PPHLN1: variants seen among roughly 807,000 people sequenced by gnomAD.
PPHLN1 encodes periphilin-1.
A neutral mutation model predicts 51.3 loss-of-function variants in PPHLN1; 29 were observed. The ratio of observed to expected loss-of-function variants is 0.57; its 90% CI spans 0.42 to 0.77. PPHLN1 has a LOEUF of 0.77. Among genes scored for constraint, PPHLN1 ranks in the 30% least tolerant of loss-of-function variants. The pLI is 0.00. For missense variants in PPHLN1, 436 were observed against 438.4 expected (o/e 0.99, Z 0.05); for synonymous variants, 147 against 147.8 (o/e 0.99, Z 0.04).
chr12:42,400,934 G>A (rs1292832327), intron 9 of PPHLN1, among the ~76,000 whole-genome samples: 2 of 151,952 alleles, frequency 1.3e-5, no homozygotes, highest in African/African-American at 4.8e-5. Flanking sequence ...TGTGAACCAT[G>A]TTTTCAAATA....
At chr12:42,389,160 C>G (rs528288680) in intron 7 of PPHLN1, among the ~76,000 whole-genome samples, 50 of 151,718 alleles carry the variant, frequency 3.3e-4, no homozygotes, top group Non-Finnish European at 6.6e-4. Flanking sequence ...ATCATGAGGT[C>G]AAGAGATCGA....
At chr12:42,406,452 T>C (rs2079317016) in intron 9 of PPHLN1, among the ~76,000 whole-genome samples, 1 of 152,208 alleles carries the variant, frequency 6.6e-6, no homozygotes, top group Non-Finnish European at 1.5e-5. Flanking sequence ...TTGTTCAAAA[T>C]TGTGTTTATG....
At chr12:42,426,707 C>T (rs138444546) in intron 9 of PPHLN1, among the ~76,000 whole-genome samples, 2 of 152,228 alleles carry the variant, frequency 1.3e-5, no homozygotes, top group East Asian at 3.9e-4. Context: ...GACATGGAGA[C>T]CTTTGCTAGG....
At chr12:42,351,757 A>G (rs2073390203) in intron 2 of PPHLN1, 128 bp from the exon 3 acceptor site, 1 of 630,458 alleles carries the variant, frequency 1.6e-6, no homozygotes, top group Non-Finnish European at 2.4e-6. Context: ...ATGTTATTTC[A>G]TTAACGCTTT....
At chr12:42,353,694 A>G (rs1351924456) in intron 3 of PPHLN1, among the ~76,000 whole-genome samples, 1 of 152,036 alleles carries the variant, frequency 6.6e-6, no homozygotes, top group Non-Finnish European at 1.5e-5. Context: ...GGTTACATGG[A>G]TGAGTTGAAT....
chr12:42,348,595 G>A (rs2072731970), intron 2 of PPHLN1, among the ~76,000 whole-genome samples: 1 of 152,088 alleles, frequency 6.6e-6, no homozygotes, highest in Non-Finnish European at 1.5e-5. Flanking sequence ...GGAACAGAGT[G>A]CTTTGTAAAA....
Position 42,418,211 on chromosome 12 carries a change from C to CTTTTTTTTTTT in PPHLN1, c.909+19233_909+19243dup, listed in dbSNP as rs60029170. Among the ~76,000 whole-genome samples, 27 of 98,356 alleles carry CTTTTTTTTTTT rather than the reference C, an allele frequency of 2.7e-4. 1 individual carries two copies. The highest frequency in any genetic ancestry group is 1.1e-3 in the African/African-American group (27 of 23,784). 64.5% of individuals were successfully genotyped at this position (98,356 alleles called of 152,430 possible). A position where few individuals can be genotyped will look rare whatever the true frequency, so the allele number is the denominator to read the frequency against. ...CGCCTCGACCACTGCTCCCGGCCCT[C>CTTTTTTTTTTT]TTTTTTTTTTTTTTTTTTTTTTTTT... On this transcript the variant is annotated intron_variant, in intron 9 of 9. Transcript: ENST00000358314.
chr12:42,443,654 A>G (rs978058227), downstream of PPHLN1: 1 of 152,220 alleles, frequency 6.6e-6, no homozygotes, highest in African/African-American at 2.4e-5. Flanking sequence ...AGAACCATCA[A>G]ACAGCCCTTG....
intron 4 of PPHLN1, among the ~76,000 whole-genome samples, chr12:42,369,992 A>G (rs138186854): frequency 4.6e-5 from 7 of 152,234 alleles, no homozygotes; most frequent in African/African-American, 1.4e-4. Flanking sequence ...GTATTTTTCA[A>G]CTTTATATAT....
At chr12:42,387,402 T>C (rs768894832) in intron 6 of PPHLN1, 54 bp from the exon 7 acceptor site, 16 of 1,549,386 alleles carry the variant, frequency 1.0e-5, no homozygotes, top group Non-Finnish European at 1.4e-5. Context: ...AAAATTACTT[T>C]ATCAAAAACA....
intron 9 of PPHLN1, among the ~76,000 whole-genome samples, chr12:42,435,150 A>G (rs2082370444): frequency 6.6e-6 from 1 of 152,244 alleles, no homozygotes; most frequent in South Asian, 2.1e-4. Context: ...TGAAAGGGAT[A>G]AAAAAGTCAT....
chr12:42,389,216 C>CA (rs1273868826), intron 7 of PPHLN1, among the ~76,000 whole-genome samples: 34 of 151,520 alleles, frequency 2.2e-4, no homozygotes, highest in African/African-American at 8.0e-4. Flanking sequence ...ACTAAAAATA[C>CA]AAAAAAATTA....
intron 9 of PPHLN1, among the ~76,000 whole-genome samples, chr12:42,405,246 T>C (rs2079189905): frequency 6.6e-6 from 1 of 152,212 alleles, no homozygotes; most frequent in Admixed American, 6.5e-5. Context: ...TCATCTGTCA[T>C]CTCTCATTTT....
intron 8 of PPHLN1, among the ~76,000 whole-genome samples, chr12:42,394,488 T>C (rs889478277): frequency 6.6e-6 from 1 of 152,174 alleles, no homozygotes; most frequent in Non-Finnish European, 1.5e-5. Flanking sequence ...AGCATTGATA[T>C]TGTATGTAAA....
chr12:42,334,984 C>A (rs1218003060), intron 1 of PPHLN1, among the ~76,000 whole-genome samples: 3 of 152,164 alleles, frequency 2.0e-5, no homozygotes, highest in African/African-American at 7.2e-5. Flanking sequence ...TTTGTCTGAT[C>A]TTTTGAAGAA....
intron 2 of PPHLN1, among the ~76,000 whole-genome samples, chr12:42,349,258 G>C (rs138915268): frequency 6.6e-6 from 1 of 152,166 alleles, no homozygotes; most frequent in Admixed American, 6.5e-5. Context: ...GCCTGAACAC[G>C]GTACTAAACA....
intron 2 of PPHLN1, among the ~76,000 whole-genome samples, chr12:42,346,602 T>G (rs1246039510): frequency 2.6e-5 from 4 of 152,172 alleles, no homozygotes; most frequent in Non-Finnish European, 5.9e-5. Context: ...GGGTATACAG[T>G]ATACCCAGAA....
At chr12:42,378,088 TTCTCTTTCTTTC>T (rs1394632837) in intron 5 of PPHLN1, among the ~76,000 whole-genome samples, 8 of 121,598 alleles carry the variant, frequency 6.6e-5, no homozygotes, top group South Asian at 2.5e-4. Context: ...CTATCTATCT[TTCTCTTTCTTTC>T]TTTCTTTCTT....
intron 2 of PPHLN1, among the ~76,000 whole-genome samples, chr12:42,348,360 G>T (rs988658775): frequency 7.0e-6 from 1 of 143,584 alleles, no homozygotes; most frequent in Admixed American, 7.4e-5. Flanking sequence ...AACCTCAAGT[G>T]CTCCACCTGC....
Sources: allele counts gnomAD v4.1 joint callset (sites outside exome capture counted in the v4.1 genomes callset), GRCh38; gene constraint gnomAD v4.1.1; transcripts MANE v1.5; gene names NCBI Gene and HGNC (gene_info 2026-07-23, HGNC 2026-07-21).